The following ZNF721 variants were observed in gnomAD, a reference collection of about 807,000 sequenced individuals.
ZNF721 encodes zinc finger protein 721.
Under a neutral mutation model 2.4 loss-of-function variants are expected in ZNF721, and 2 were observed. The observed-to-expected ratio is 0.82, with a 90% CI of 0.34 to 2.58. The LOEUF is 2.58. Ranked by LOEUF, ZNF721 falls within the 30% of genes most tolerant of loss-of-function variation. ZNF721 has a pLI of 0.11. For missense variants in ZNF721, 1,187 were observed against 1,085.5 expected, an observed-to-expected ratio of 1.09 and a Z score of -1.31; for synonymous variants, 398 against 381.8, an observed-to-expected ratio of 1.04 and a Z score of -0.50.
chr4:495,545 G>C (rs1196165924), intron 1 of ZNF721, among the ~76,000 whole-genome samples: 2 of 151,422 alleles, frequency 1.3e-5, no homozygotes, highest in African/African-American at 4.9e-5. Context: ...GAGATCTCAG[G>C]TGCAGACAGA....
Position 442,463 on chromosome 4 carries a change from A to G in ZNF721, c.2004T>C (p.Ser668=). 1.9e-6 allele frequency: 3 copies of G among 1,613,274 alleles called. No individual in the cohort carries two copies. The highest frequency in any genetic ancestry group is 2.5e-6 in the Non-Finnish European group (3 of 1,179,698). ...CTTTGCCACACTCTTCACATTTGTA[A>G]CTTTGCTCTCCAGTAAGAATTTTCG... is the stretch of plus-strand genomic sequence containing the variant. ...QHTKILTGEQ[S]YKCEECGKAF... The change falls in exon 3 of 3, where the codon AGT becomes AGC. Residue 668 remains serine (S), a synonymous_variant. Transcript: ENST00000511833.
chr4:462,741 C>A (rs190435913), intron 2 of ZNF721, among the ~76,000 whole-genome samples: 17 of 152,274 alleles, frequency 1.1e-4, no homozygotes, highest in Admixed American at 4.6e-4. Context: ...ACACCTTATA[C>A]AACAATTAAC....
At chr4:473,278 G>A (rs1715495979) in intron 1 of ZNF721, among the ~76,000 whole-genome samples, 2 of 152,262 alleles carry the variant, frequency 1.3e-5, no homozygotes, top group South Asian at 2.1e-4. Context: ...CAAGTCTCCT[G>A]TTAACGGTGA....
chr4:499,088 C>T lies in ZNF721; in HGVS notation c.-126G>A. 3 of 539,300 alleles carry T rather than the reference C, an allele frequency of 5.6e-6. No individual in the cohort carries two copies. The highest frequency in any genetic ancestry group is 9.7e-6 in the Non-Finnish European group (3 of 310,096). 33.4% of individuals were successfully genotyped at this position (539,300 alleles called of 1,614,324 possible). A position where few individuals can be genotyped will look rare whatever the true frequency, so the allele number is the denominator to read the frequency against. ...TGGGCGGCGACCGTCGCGGACTCGC[C>T]GGGAAGACGGCCCCACGGAGCCGGG... On this transcript the variant is annotated 5_prime_UTR_variant, in exon 1 of 3. Coordinates refer to ENST00000511833, the MANE Select transcript of ZNF721 (RefSeq NM_133474.4).
rs539664883 is a variant in ZNF721 at position 442,869 on chromosome 4, A to G, written c.1598T>C (p.Val533Ala). The change falls in exon 3 of 3, where the codon GTA (valine) becomes GCA (alanine). Residue 533 changes from valine to alanine, a missense_variant. Physicochemically the swap from Val to Ala is moderately conservative, Grantham distance 64. Transcript: ENST00000511833. ...HTGEKPYTCE[V>A]CGKAFRQSAI... The stretch of plus-strand genomic sequence containing the variant: ...GGACTGTCTAAAGGCTTTGCCACAT[A>G]CTTCACATGTGTAGGGTTTCTCTCC... 2 of 1,604,190 alleles carry G rather than the reference A, an allele frequency of 1.2e-6. No homozygotes were observed. Among genetic ancestry groups the G allele is most frequent in the African/African-American group, 1.4e-5 (1 of 71,812 alleles).
At chr4:476,037 C>CA (rs1326406767) in intron 1 of ZNF721, among the ~76,000 whole-genome samples, 1 of 152,094 alleles carries the variant, frequency 6.6e-6, no homozygotes, top group Non-Finnish European at 1.5e-5. Flanking sequence ...TTCCCAATAC[C>CA]AAATGAGATT....
At chr4:454,626 A>G (rs797037826) in intron 2 of ZNF721, among the ~76,000 whole-genome samples, 2 of 152,196 alleles carry the variant, frequency 1.3e-5, no homozygotes, top group East Asian at 1.9e-4. Context: ...TCTGTAATCT[A>G]TATCAACTAT....
rs1027075994 is a variant in ZNF721, at chr4:469,231, G to A, written c.34+3344C>T. On this transcript the variant is annotated intron_variant, in intron 2 of 2. Transcript: ENST00000511833. ...ATTACAAAAATGAACCACTACACCT[G>A]CCCCAACATACAAATATTTGTTTCA... Among the ~76,000 whole-genome samples the A allele has an allele frequency of 2.0e-5, 3 of 151,490 alleles. No homozygotes were observed. In the South Asian group the frequency reaches 6.3e-4, roughly 32 times the overall value.
intron 2 of ZNF721, among the ~76,000 whole-genome samples, chr4:445,540 T>A (rs1714444396): frequency 6.6e-6 from 1 of 152,120 alleles, no homozygotes; most frequent in African/African-American, 2.4e-5. Context: ...GATTTTAAAA[T>A]TTTCAGAAAA....
chr4:490,434 A>C (rs1197010734), intron 1 of ZNF721, among the ~76,000 whole-genome samples: 1 of 152,028 alleles, frequency 6.6e-6, no homozygotes, highest in Non-Finnish European at 1.5e-5. Context: ...GTGCCACTGC[A>C]CTCCAGCCTG....
chr4:483,673 GTAT>G (rs1553869848), intron 1 of ZNF721, among the ~76,000 whole-genome samples: 1 of 152,146 alleles, frequency 6.6e-6, no homozygotes, highest in African/African-American at 2.4e-5. Flanking sequence ...CTACACAAAT[GTAT>G]TAGCTTTGTT....
At chr4:464,147 A>G (rs1553866440) in intron 2 of ZNF721, among the ~76,000 whole-genome samples, 2 of 152,190 alleles carry the variant, frequency 1.3e-5, no homozygotes, top group Non-Finnish European at 1.5e-5. Flanking sequence ...AGGAGACTCA[A>G]TTATACACAG....
At chr4:465,130 C>T (rs1715204237) in intron 2 of ZNF721, among the ~76,000 whole-genome samples, 2 of 149,508 alleles carry the variant, frequency 1.3e-5, no homozygotes, top group African/African-American at 4.9e-5. Context: ...TGCCTGTAAA[C>T]CTAGCACTTT....
intron 2 of ZNF721, among the ~76,000 whole-genome samples, chr4:468,460 G>T (rs1345901545): frequency 2.6e-5 from 4 of 152,002 alleles, no homozygotes; most frequent in African/African-American, 9.7e-5. Flanking sequence ...CTGTTCCCAG[G>T]TAGTCAGTAA....
chr4:484,000 C>T (rs1358853655), intron 1 of ZNF721, among the ~76,000 whole-genome samples: 23 of 152,046 alleles, frequency 1.5e-4, no homozygotes, highest in East Asian at 3.9e-4. Flanking sequence ...TTAGTAGAGA[C>T]GGGGTTTCAC....
At chr4:479,056 C>T (rs1042210408) in intron 1 of ZNF721, among the ~76,000 whole-genome samples, 3 of 152,098 alleles carry the variant, frequency 2.0e-5, no homozygotes, top group East Asian at 3.8e-4. Context: ...TGTGAACCAC[C>T]GCGCCCGGCC....
At position 442,286 on chromosome 4, in the gene ZNF721, A is replaced by G; in HGVS notation, c.2181T>C (p.Cys727=). ...ATCCAAAGGATCTGCCACGATCTTC[A>G]CATTTGTAGGGTTTCTCCCTAGTGT... ...RVHTREKPYK[C]EDRGRSFGWS... is the part of the protein sequence containing the mutation. Residue 727 remains cysteine, a synonymous_variant, in exon 3 of 3, where the codon TGT becomes TGC. Transcript: ENST00000511833. 6.2e-7 allele frequency: 1 copy of G among 1,613,352 alleles called. No individual in the cohort carries two copies.
intron 2 of ZNF721, among the ~76,000 whole-genome samples, chr4:455,217 TTG>T (rs1336568437): frequency 1.3e-5 from 2 of 152,194 alleles, no homozygotes; most frequent in Non-Finnish European, 1.5e-5. Flanking sequence ...CTTAAAGATA[TTG>T]TGTGTGTGTC....
intron 1 of ZNF721, among the ~76,000 whole-genome samples, chr4:489,354 C>T (rs1715969652): frequency 6.6e-6 from 1 of 152,210 alleles, no homozygotes; most frequent in Non-Finnish European, 1.5e-5. Context: ...CATGTCCCCT[C>T]TTACTGCTGA....
Sources: allele counts gnomAD v4.1 joint callset (sites outside exome capture counted in the v4.1 genomes callset), GRCh38; gene constraint gnomAD v4.1.1; transcripts MANE v1.5; gene names NCBI Gene and HGNC (gene_info 2026-07-23, HGNC 2026-07-21).